The following SHOC2 variants were observed in gnomAD, a reference collection of about 807,000 sequenced individuals.
SHOC2 encodes leucine-rich repeat protein SHOC-2.
Under a neutral mutation model 50.2 loss-of-function variants are expected in SHOC2, and 4 were observed. That is an observed-to-expected ratio of 0.08 (90% CI 0.04 to 0.18). The LOEUF is 0.18. Among genes scored for constraint, SHOC2 ranks in the 10% least tolerant of loss-of-function variants. SHOC2 has a pLI of 1.00. For missense variants in SHOC2, 388 were observed against 669.6 expected (o/e 0.58, Z 4.64); for synonymous variants, 218 against 244.5 (o/e 0.89, Z 1.01).
chr10:110,921,522 T>G (rs1036067813), intron 1 of SHOC2, among the ~76,000 whole-genome samples: 5 of 152,132 alleles, frequency 3.3e-5, no homozygotes, highest in Non-Finnish European at 7.4e-5. Context: ...TTTCCCAAGG[T>G]GCTTGTTCAG....
chr10:110,921,489 A>T (rs1390414035), intron 1 of SHOC2, among the ~76,000 whole-genome samples: 1 of 152,170 alleles, frequency 6.6e-6, no homozygotes, highest in Non-Finnish European at 1.5e-5. Context: ...CAAATTATGG[A>T]CATGTCTTTA....
chr10:110,964,587 C>T lies in SHOC2; in HGVS notation c.229C>T (p.Pro77Ser). ...SVDNTIKRPN[P>S]APGTRKKSSN... Reference sequence around the variant, plus strand: ...TGACAATACGATCAAACGGCCAAACCCAGCACCTGGGACTAGAAAAAAATC... The same window carrying T: ...TGACAATACGATCAAACGGCCAAACTCAGCACCTGGGACTAGAAAAAAATC... Residue 77 changes from proline to serine, a missense_variant, in exon 2 of 9, where the codon CCA becomes TCA. By Grantham distance (74) the Pro-to-Ser change is moderately conservative (BLOSUM62 -1). Coordinates refer to ENST00000369452, the MANE Select transcript of SHOC2 (RefSeq NM_007373.4). The surrounding 1 kb of genome is among the most constrained non-coding windows in gnomAD (Gnocchi z 4.9). 6.2e-7 allele frequency: 1 copy of T among 1,614,040 alleles called. No homozygotes were observed. Among genetic ancestry groups the T allele is most frequent in the Non-Finnish European group, 8.5e-7 (1 of 1,179,974 alleles).
chr10:110,999,570 G>A (rs546124463), intron 3 of SHOC2, among the ~76,000 whole-genome samples: 1 of 151,568 alleles, frequency 6.6e-6, no homozygotes, highest in South Asian at 2.1e-4. Flanking sequence ...AACCCCGTCT[G>A]TACTAAAAAT....
rs549407095 is a variant in SHOC2, at chr10:111,010,351, A to AGGTCACAT, written c.1540+524_1540+525insCACATGGT. 3.2e-3 allele frequency among the ~76,000 whole-genome samples: 486 copies of AGGTCACAT among 152,334 alleles called. 26 individuals are homozygous for AGGTCACAT. The South Asian group carries it at 0.093, about 29-fold the overall frequency. On this transcript the variant is annotated intron_variant, in intron 8 of 8. Transcript: ENST00000369452. ...CTTTATAAAGAGAATTACTTGATTA[A>AGGTCACAT]GGTAATTAAATGTTAGCTTTTAAAT...
intron 3 of SHOC2, chr10:110,988,885 T>A: frequency 2.2e-6 from 1 of 463,154 alleles, no homozygotes; most frequent in South Asian, 1.6e-5. Context: ...TTTAAAAGTT[T>A]TTTCTAATTT....
chr10:111,005,401 T>G (rs1848449430), intron 5 of SHOC2, among the ~76,000 whole-genome samples: 1 of 152,208 alleles, frequency 6.6e-6, no homozygotes, highest in South Asian at 2.1e-4. Context: ...GTAGTTTATC[T>G]TTAGTGGAAT....
At chr10:110,948,603 T>TA (rs1401917810) in intron 1 of SHOC2, among the ~76,000 whole-genome samples, 5 of 152,144 alleles carry the variant, frequency 3.3e-5, no homozygotes, top group Non-Finnish European at 7.4e-5. Context: ...AATTTACAAA[T>TA]ATGTGGAAAT....
rs1848436139 is a variant in SHOC2, at chr10:111,004,607, G to A, written c.974G>A (p.Ser325Asn). The change falls in exon 5 of 9, where the codon AGT (serine) becomes AAT (asparagine). Residue 325 changes from serine to asparagine, a missense_variant and splice_region_variant. Ser to Asn is a conservative substitution (Grantham distance 46, BLOSUM62 1). Transcript: ENST00000369452. ...ENNNISTLPESLLSSLVKLNS... is the reference protein window; with the variant it reads ...ENNNISTLPENLLSSLVKLNS... ...ATGTTTATTTCATTTTTTTTACAGA[G>A]TCTTTTATCAAGTCTTGTGAAACTG... 1 of 1,605,036 alleles carries A rather than the reference G, an allele frequency of 6.2e-7. No individual in the cohort carries two copies. The highest frequency in any genetic ancestry group is 8.5e-7 in the Non-Finnish European group (1 of 1,171,868).
chr10:110,956,458 A>G (rs185940119), intron 1 of SHOC2, among the ~76,000 whole-genome samples: 1 of 152,044 alleles, frequency 6.6e-6, no homozygotes, highest in African/African-American at 2.4e-5. Flanking sequence ...TACATTTCAT[A>G]CCTTAAGACC....
At chr10:110,919,777 C>G (rs1192023929) in intron 1 of SHOC2, 120 bp downstream of exon 1, 2 of 393,486 alleles carry the variant, frequency 5.1e-6, no homozygotes, top group African/African-American at 4.1e-5. Context: ...CCCTGACAGG[C>G]GCGAGCCGGC....
intron 4 of SHOC2, among the ~76,000 whole-genome samples, chr10:111,001,488 C>G (rs1297980910): frequency 6.6e-6 from 1 of 152,092 alleles, no homozygotes; most frequent in Non-Finnish European, 1.5e-5. Flanking sequence ...TTGTCTTTAT[C>G]AACATTATTA....
Position 110,950,748 on chromosome 10 carries a change from A to G in SHOC2, c.-234-13377A>G, listed in dbSNP as rs576028844. Among the ~76,000 whole-genome samples, 3 of 152,344 alleles carry G rather than the reference A, an allele frequency of 2.0e-5. No homozygotes were observed. The South Asian group carries it at 6.2e-4, about 32-fold the overall frequency. On this transcript the variant is annotated intron_variant, in intron 1 of 8. Coordinates refer to ENST00000369452, the MANE Select transcript of SHOC2 (RefSeq NM_007373.4). ...TTGATCTTTAACAAAGATGTTAAGA[A>G]CACAGAATGGAGAAGTGATCGTTTC...
At chr10:110,981,876 T>TATTTATGTTTTTATTATACTC (rs1554859803) in intron 2 of SHOC2, among the ~76,000 whole-genome samples, 1 of 135,412 alleles carries the variant, frequency 7.4e-6, no homozygotes, top group Non-Finnish European at 1.6e-5. Flanking sequence ...ATTTATTTTT[T>TATTTATGTTTTTATTATACTC]TAAGTTTTAG....
At chr10:110,920,525 T>C (rs1194950311) in intron 1 of SHOC2, among the ~76,000 whole-genome samples, 1 of 151,986 alleles carries the variant, frequency 6.6e-6, no homozygotes, top group African/African-American at 2.4e-5. Context: ...TTTATTTCTT[T>C]TCTTTCTTTT....
intron 1 of SHOC2, chr10:110,936,754 C>T (rs1385147438): frequency 2.1e-6 from 2 of 972,688 alleles, no homozygotes; most frequent in Non-Finnish European, 3.2e-6. Flanking sequence ...CTTTCTCTTT[C>T]CTCTTCTCCT....
intron 1 of SHOC2, among the ~76,000 whole-genome samples, chr10:110,941,559 T>A (rs1236456455): frequency 6.6e-6 from 1 of 152,084 alleles, no homozygotes; most frequent in Non-Finnish European, 1.5e-5. Flanking sequence ...CTCGAACTCC[T>A]GGCCTCAAGT....
intron 4 of SHOC2, 103 bp from the exon 5 acceptor site, chr10:111,004,503 A>ACCC: frequency 1.3e-6 from 1 of 791,010 alleles, no homozygotes; most frequent in Non-Finnish European, 2.2e-6. Flanking sequence ...GTCATTTGTC[A>ACCC]CCCCCCAAAG....
chr10:110,986,139 T>A (rs1184004919), intron 3 of SHOC2, among the ~76,000 whole-genome samples: 1 of 152,198 alleles, frequency 6.6e-6, no homozygotes, highest in East Asian at 1.9e-4. Flanking sequence ...ATAAAACCAT[T>A]GCTATTTAGT....
chr10:110,944,537 A>T (rs535140307), intron 1 of SHOC2, among the ~76,000 whole-genome samples: 3 of 152,318 alleles, frequency 2.0e-5, no homozygotes, highest in East Asian at 1.9e-4. Flanking sequence ...TGAAAATTAC[A>T]TTTGGACATT....
Sources: allele counts gnomAD v4.1 joint callset (sites outside exome capture counted in the v4.1 genomes callset), GRCh38; gene constraint gnomAD v4.1.1; non-coding constraint Gnocchi (gnomAD v3.1); transcripts MANE v1.5; gene names NCBI Gene and HGNC (gene_info 2026-07-23, HGNC 2026-07-21).